Variants in MICAL2 observed in about 807,000 individuals in gnomAD.
MICAL2 encodes [F-actin]-monooxygenase MICAL2.
A neutral mutation model predicts 127.3 loss-of-function variants in MICAL2; 77 were observed. The ratio of observed to expected loss-of-function variants is 0.60; its 90% CI spans 0.50 to 0.73. The LOEUF is 0.73. MICAL2 is among the 30% of genes least tolerant of loss of function. The probability of loss-of-function intolerance (pLI) is 0.00; values close to 1 mark genes in which losing one functional copy is unlikely to be tolerated. For missense variants in MICAL2, 1,351 were observed against 1,434.4 expected, an observed-to-expected ratio of 0.94 and a Z score of 0.94; for synonymous variants, 570 against 551.1, an observed-to-expected ratio of 1.03 and a Z score of -0.48.
chr11:12,194,884 A>G (rs944506572), intron 3 of MICAL2, among the ~76,000 whole-genome samples: 4 of 152,226 alleles, frequency 2.6e-5, no homozygotes, highest in Admixed American at 1.3e-4. Context: ...ACATCAAATG[A>G]TATGTTTAAG....
At chr11:12,339,517 G>A (rs1328655077) in intron 32 of MICAL2, among the ~76,000 whole-genome samples, 1 of 152,118 alleles carries the variant, frequency 6.6e-6, no homozygotes, top group African/African-American at 2.4e-5. Context: ...GATGAGGAAA[G>A]GCACTCTGAT....
At chr11:12,265,091 C>T (rs1180354004), downstream of MICAL2, among the ~76,000 whole-genome samples, 1 of 152,206 alleles carries the variant, frequency 6.6e-6, no homozygotes, top group Non-Finnish European at 1.5e-5. Flanking sequence ...TGGTGCTTCA[C>T]CAACAAAGGA....
chr11:12,318,483 G>T (rs1057243923), intron 29 of MICAL2, among the ~76,000 whole-genome samples: 1 of 152,176 alleles, frequency 6.6e-6, no homozygotes, highest in Non-Finnish European at 1.5e-5. Flanking sequence ...GCTCCTGGAG[G>T]CTAAAGCACC....
At chr11:12,283,361 AAG>A (rs1204226061) in intron 2 of MICAL2, among the ~76,000 whole-genome samples, 8 of 149,622 alleles carry the variant, frequency 5.3e-5, no homozygotes, top group African/African-American at 7.5e-5. Flanking sequence ...AAAAAAAAAA[AAG>A]ACTCTACGTT....
chr11:12,168,715 T>C (rs1326399720), intron 3 of MICAL2, among the ~76,000 whole-genome samples: 1 of 151,446 alleles, frequency 6.6e-6, no homozygotes, highest in Non-Finnish European at 1.5e-5. Context: ...TGATAAAAAA[T>C]AACTCAAGTA....
intron 3 of MICAL2, among the ~76,000 whole-genome samples, chr11:12,174,178 G>A (rs1048990485): frequency 1.3e-5 from 2 of 151,478 alleles, no homozygotes; most frequent in Admixed American, 1.3e-4. Flanking sequence ...TTTTTTTCAA[G>A]CAAAATGTGG....
At chr11:12,339,195 T>A (rs988057853) in intron 32 of MICAL2, among the ~76,000 whole-genome samples, 1 of 152,254 alleles carries the variant, frequency 6.6e-6, no homozygotes, top group Non-Finnish European at 1.5e-5. Flanking sequence ...TTCATTTCAT[T>A]CATTTCATCT....
chr11:12,324,027 AG>A lies in MICAL2; in HGVS notation c.5379del (p.Gln1793HisfsTer8). The A allele has an allele frequency of 1.2e-6, 2 of 1,612,744 alleles. No individual in the cohort carries two copies. The highest frequency in any genetic ancestry group is 1.7e-6 in the Non-Finnish European group (2 of 1,178,848). On this transcript the variant is annotated frameshift_variant, in exon 31 of 35. Coordinates refer to the MICAL2 transcript ENST00000646065. LOFTEE classifies it high-confidence loss of function. ...AAGAAGCTAGAAAAAGCAATGAAGC[AG>A]TTGGTTAAGCAAGAAGAATTGAAAA...
chr11:12,280,577 A>G (rs538169735), intron 1 of MICAL2, among the ~76,000 whole-genome samples: 2 of 152,274 alleles, frequency 1.3e-5, no homozygotes, highest in African/African-American at 2.4e-5. Flanking sequence ...TCCTGTTTGC[A>G]TAGTGTTTTC....
chr11:12,137,447 C>T (rs1851937234), intron 1 of MICAL2, among the ~76,000 whole-genome samples: 1 of 152,198 alleles, frequency 6.6e-6, no homozygotes, highest in African/African-American at 2.4e-5. Context: ...CTGTGAGGAG[C>T]CACTGAGATC....
At chr11:12,324,713 T>A (rs1391664830) in intron 31 of MICAL2, among the ~76,000 whole-genome samples, 1 of 152,210 alleles carries the variant, frequency 6.6e-6, no homozygotes, top group Non-Finnish European at 1.5e-5. Context: ...GTTAATCCAG[T>A]ATACCCTCAC....
downstream of MICAL2, chr11:12,294,588 C>T: frequency 6.8e-6 from 11 of 1,614,234 alleles, no homozygotes; most frequent in Non-Finnish European, 8.5e-6. Flanking sequence ...TTCCCAGATG[C>T]TTCTAAGCCT....
intron 26 of MICAL2, 127 bp from the exon 27 acceptor site, chr11:12,262,353 C>G: frequency 6.5e-7 from 1 of 1,543,264 alleles, no homozygotes; most frequent in South Asian, 1.2e-5. Flanking sequence ...AAGTTTCCCT[C>G]TTTCAATCGT....
At chr11:12,114,524 C>T (rs914306442) in intron 1 of MICAL2, among the ~76,000 whole-genome samples, 5 of 152,178 alleles carry the variant, frequency 3.3e-5, no homozygotes, top group Non-Finnish European at 4.4e-5. Context: ...GTGTTAACTG[C>T]CCATCTCCCC....
At chr11:12,347,143 C>G (rs751607600) in intron 32 of MICAL2, among the ~76,000 whole-genome samples, 19 of 151,970 alleles carry the variant, frequency 1.3e-4, no homozygotes, top group African/African-American at 3.4e-4. Flanking sequence ...GTTCCCTCTT[C>G]TTGAAAAATG....
chr11:12,141,800 T>C (rs1196240660), intron 2 of MICAL2, among the ~76,000 whole-genome samples: 1 of 152,106 alleles, frequency 6.6e-6, no homozygotes, highest in Non-Finnish European at 1.5e-5. Context: ...GACCAGACAC[T>C]TTGGAGAAAT....
chr11:12,277,425 C>T (rs1332338125), intron 1 of MICAL2, among the ~76,000 whole-genome samples: 2 of 152,242 alleles, frequency 1.3e-5, no homozygotes, highest in East Asian at 3.9e-4. Flanking sequence ...TGCAAAGGGG[C>T]ATGGATCTAA....
chr11:12,271,539 T>C (rs1363852222), upstream of MICAL2, among the ~76,000 whole-genome samples: 4 of 152,160 alleles, frequency 2.6e-5, no homozygotes, highest in African/African-American at 4.8e-5. Context: ...CTCCAATCTT[T>C]TCCACTCATC....
chr11:12,120,393 T>C (rs1303123593), intron 1 of MICAL2, among the ~76,000 whole-genome samples: 2 of 152,100 alleles, frequency 1.3e-5, no homozygotes, highest in Non-Finnish European at 2.9e-5. Flanking sequence ...TCAACAGCCA[T>C]AGGCCCAGGC....
Sources: allele counts gnomAD v4.1 joint callset (sites outside exome capture counted in the v4.1 genomes callset), GRCh38; gene constraint gnomAD v4.1.1; transcripts MANE v1.5; gene names NCBI Gene and HGNC (gene_info 2026-07-23, HGNC 2026-07-21).